The following DEFB110 variants were observed in gnomAD, a reference collection of about 807,000 sequenced individuals.
The protein encoded by DEFB110 is defensin beta 110.
Under a neutral mutation model 2.5 loss-of-function variants are expected in DEFB110, and 4 were observed. The observed-to-expected ratio is 1.60, with a 90% CI of 0.79 to 3.66. The LOEUF (loss-of-function observed/expected upper bound fraction) is 3.66, where lower values mean the gene tolerates loss of function less well. Among genes scored for constraint, DEFB110 ranks in the 30% most tolerant of loss-of-function variants. The pLI, the probability that DEFB110 is intolerant of heterozygous loss-of-function variation, is 0.01. For synonymous variants in DEFB110, 29 were observed against 21.8 expected (o/e 1.33, Z -0.92); for missense variants, 94 against 75.4 (o/e 1.25, Z -0.91).
At chr6:50,018,728 C>T, downstream of DEFB110, 2 of 945,366 alleles carry the variant, frequency 2.1e-6, no homozygotes, top group South Asian at 8.9e-5. Context: ...GAACATGAAG[C>T]ACTGAAAACT....
chr6:50,011,639 G>A (rs1158205385), intron 1 of DEFB110, among the ~76,000 whole-genome samples: 3 of 151,946 alleles, frequency 2.0e-5, no homozygotes, highest in Non-Finnish European at 2.9e-5. Flanking sequence ...AATGGTATGC[G>A]GAGTTTTTCA....
chr6:50,010,524 AAT>A (rs138922057), intron 1 of DEFB110, among the ~76,000 whole-genome samples: 99 of 146,946 alleles, frequency 6.7e-4, no homozygotes, highest in Admixed American at 8.9e-4. Context: ...TTAACATGTT[AAT>A]ATATATATAT....
In DEFB110 at chr6:50,019,065, T is replaced by A. The variant is rs1298914741; in HGVS notation, c.116A>T (p.Asn39Ile). ...LDLRRECRIG[N>I]GQCKNQCHEN... ...ATGACACTGATTTTTACATTGACCA[T>A]TACCTATTCTGCACTCTCTCCTCAA... Residue 39 changes from asparagine to isoleucine, a missense_variant, in exon 2 of 2, where the codon AAT becomes ATT. Coordinates refer to ENST00000371148, the MANE Select transcript of DEFB110 (RefSeq NM_001037497.2). 6.2e-7 allele frequency: 1 copy of A among 1,613,278 alleles called. No homozygotes were observed. Among genetic ancestry groups the A allele is most frequent in the South Asian group, 1.1e-5 (1 of 91,048 alleles).
At chr6:50,020,094 G>A (rs867338191) in intron 1 of DEFB110, among the ~76,000 whole-genome samples, 1 of 152,052 alleles carries the variant, frequency 6.6e-6, no homozygotes, top group Non-Finnish European at 1.5e-5. Flanking sequence ...ATTTGTAGCT[G>A]GGGTCACAAG....
At chr6:50,011,511 G>A (rs1456539015) in intron 1 of DEFB110, among the ~76,000 whole-genome samples, 1 of 152,068 alleles carries the variant, frequency 6.6e-6, no homozygotes, top group Non-Finnish European at 1.5e-5. Context: ...CACAAATAGA[G>A]TGGAGATATG....
chr6:50,015,074 C>T (rs1198737123), downstream of DEFB110, among the ~76,000 whole-genome samples: 1 of 151,792 alleles, frequency 6.6e-6, no homozygotes, highest in Admixed American at 6.6e-5. Flanking sequence ...GTCAATGGCA[C>T]AGCTCAATCT....
chr6:50,013,929 T>G (rs931046292), downstream of DEFB110, among the ~76,000 whole-genome samples: 6 of 151,840 alleles, frequency 4.0e-5, no homozygotes, highest in Non-Finnish European at 8.8e-5. Flanking sequence ...AAATTATGAT[T>G]AAGGAATTTG....
downstream of DEFB110, among the ~76,000 whole-genome samples, chr6:50,017,924 T>C (rs116117909): frequency 8.8e-3 from 1,342 of 152,048 alleles, 15 homozygotes; most frequent in African/African-American, 0.028. Context: ...TATTTTTCTT[T>C]AGTTAATTTC....
downstream of DEFB110, among the ~76,000 whole-genome samples, chr6:50,015,293 C>A (rs747347508): frequency 4.0e-5 from 6 of 151,766 alleles, no homozygotes; most frequent in Non-Finnish European, 8.8e-5. Context: ...TTAATAACTT[C>A]GAGAGACCTT....
downstream of DEFB110, among the ~76,000 whole-genome samples, chr6:50,017,395 A>G (rs1231737456): frequency 6.6e-6 from 1 of 151,892 alleles, no homozygotes; most frequent in Non-Finnish European, 1.5e-5. Context: ...ATAAATCAGT[A>G]GTTCTCAGCC....
downstream of DEFB110, among the ~76,000 whole-genome samples, chr6:50,016,758 G>A (rs376368825): frequency 4.0e-5 from 6 of 151,692 alleles, no homozygotes; most frequent in South Asian, 2.1e-4. Flanking sequence ...GTTGATGCAC[G>A]TAGGTTCACA....
chr6:50,011,967 C>T (rs1201443196), intron 1 of DEFB110, among the ~76,000 whole-genome samples: 2 of 151,954 alleles, frequency 1.3e-5, no homozygotes, highest in African/African-American at 2.4e-5. Flanking sequence ...CTATATAGCA[C>T]AAATGATTTA....
chr6:50,016,231 A>G (rs895025741), downstream of DEFB110, among the ~76,000 whole-genome samples: 1 of 151,866 alleles, frequency 6.6e-6, no homozygotes, highest in Non-Finnish European at 1.5e-5. Flanking sequence ...TGACGGTGAT[A>G]AATCTAATTT....
intron 1 of DEFB110, among the ~76,000 whole-genome samples, chr6:50,020,232 C>A (rs558452965): frequency 6.6e-6 from 1 of 151,540 alleles, no homozygotes; most frequent in South Asian, 2.1e-4. Flanking sequence ...TTTTTTTTAG[C>A]TTAAAGATGG....
At chr6:50,013,730 TG>T (rs1774269381) in intron 1 of DEFB110, among the ~76,000 whole-genome samples, 1 of 151,818 alleles carries the variant, frequency 6.6e-6, no homozygotes, top group Non-Finnish European at 1.5e-5. Context: ...AGATAAGTTT[TG>T]GATTTGCAGG....
chr6:50,010,792 T>C (rs2113936681), intron 1 of DEFB110, among the ~76,000 whole-genome samples: 1 of 151,778 alleles, frequency 6.6e-6, no homozygotes, highest in Non-Finnish European at 1.5e-5. Context: ...GTTGCTAGAA[T>C]AGAAACTTTT....
downstream of DEFB110, among the ~76,000 whole-genome samples, chr6:50,016,223 A>G (rs1043106872): frequency 1.3e-5 from 2 of 151,836 alleles, no homozygotes; most frequent in Non-Finnish European, 2.9e-5. Context: ...TGAGAATTTG[A>G]CGGTGATAAA....
At chr6:50,020,829 A>C (rs905602079) in intron 1 of DEFB110, among the ~76,000 whole-genome samples, 1 of 152,286 alleles carries the variant, frequency 6.6e-6, no homozygotes, top group Middle Eastern at 3.4e-3. Context: ...ACTTCTAAAG[A>C]TCATTACTTA....
chr6:50,019,071 A>G lies in DEFB110; in HGVS notation c.110T>C (p.Ile37Thr). Residue 37 changes from isoleucine to threonine, a missense_variant, in exon 2 of 2, where the codon ATA becomes ACA. Transcript: ENST00000371148. ...CTGATTTTTACATTGACCATTACCT[A>G]TTCTGCACTCTCTCCTCAAGTCCAA... ...GSLDLRRECRIGNGQCKNQCH... is the reference protein window; with the variant it reads ...GSLDLRRECRTGNGQCKNQCH... The G allele has an allele frequency of 1.2e-6, 2 of 1,613,240 alleles. No individual in the cohort carries two copies. Among genetic ancestry groups the G allele is most frequent in the South Asian group, 1.1e-5 (1 of 91,050 alleles).
Sources: gnomAD v4.1 joint callset for allele counts (sites outside exome capture counted in the v4.1 genomes callset) on GRCh38, gnomAD v4.1.1 for gene constraint, MANE v1.5 for transcripts, NCBI Gene and HGNC (gene_info 2026-07-23, HGNC 2026-07-21) for gene names.